CYB5R4: variants seen among roughly 807,000 people sequenced by gnomAD.
CYB5R4 encodes N-terminal cytochrome b5 and cytochrome b5 oxidoreductase domain-containing protein.
A neutral mutation model predicts 70.2 loss-of-function variants in CYB5R4; 55 were observed. The observed-to-expected ratio is 0.78, with a 90% CI of 0.63 to 0.98. The LOEUF (loss-of-function observed/expected upper bound fraction) is 0.98. CYB5R4 is among the 50% of genes least tolerant of loss of function. The pLI, the probability that CYB5R4 is intolerant of heterozygous loss-of-function variation, is 0.00. For synonymous variants in CYB5R4, 197 were observed against 199.5 expected, an observed-to-expected ratio of 0.99 and a Z score of 0.11; for missense variants, 562 against 612.6, an observed-to-expected ratio of 0.92 and a Z score of 0.87.
chr6:83,930,452 AT>A (rs1257003613), intron 10 of CYB5R4, among the ~76,000 whole-genome samples: 1 of 152,188 alleles, frequency 6.6e-6, no homozygotes, highest in Non-Finnish European at 1.5e-5. Flanking sequence ...CCAGGAGTAG[AT>A]TCCATCTCAA....
intron 14 of CYB5R4, among the ~76,000 whole-genome samples, chr6:83,947,804 A>C (rs896456855): frequency 6.6e-6 from 1 of 152,156 alleles, no homozygotes; most frequent in Non-Finnish European, 1.5e-5. Flanking sequence ...GAGAAATGCA[A>C]GTCAAAACCA....
intron 2 of CYB5R4, 48 bp from the exon 3 acceptor site, chr6:83,893,474 T>C (rs1364155040): frequency 9.0e-7 from 1 of 1,115,018 alleles, no homozygotes; most frequent in Non-Finnish European, 1.3e-6. Flanking sequence ...AGTTTTACAA[T>C]TTTTGAGAAG....
intron 3 of CYB5R4, among the ~76,000 whole-genome samples, chr6:83,905,658 G>T (rs948686128): frequency 2.0e-5 from 3 of 152,068 alleles, no homozygotes; most frequent in Admixed American, 2.0e-4. Flanking sequence ...GATGGCATAT[G>T]CTGGCACCAG....
rs755679834 is a variant in CYB5R4, at chr6:83,893,573, A to T, written c.281A>T (p.Asp94Val). ...PYMEYHPGGE[D>V]ELMRAAGSDG... ...ATGGAGTATCATCCTGGTGGAGAAG[A>T]TGAACTAATGAGAGCAGCAGGATCA... Residue 94 changes from aspartate (D) to valine (V), a missense_variant, in exon 3 of 16, where the codon GAT becomes GTT. By Grantham distance (152) the Asp-to-Val change is radical. Transcript: ENST00000369681. 6.2e-7 allele frequency: 1 copy of T among 1,613,488 alleles called. No individual in the cohort carries two copies. Among genetic ancestry groups the T allele is most frequent in the Non-Finnish European group, 8.5e-7 (1 of 1,179,516 alleles).
chr6:83,886,429 A>G (rs900323983), intron 2 of CYB5R4, among the ~76,000 whole-genome samples: 8 of 152,246 alleles, frequency 5.3e-5, no homozygotes, highest in African/African-American at 1.9e-4. Context: ...GTATATCCAT[A>G]GAAGAAATAT....
At chr6:83,954,666 A>C (rs892689135) in intron 14 of CYB5R4, among the ~76,000 whole-genome samples, 4 of 152,074 alleles carry the variant, frequency 2.6e-5, no homozygotes, top group South Asian at 4.1e-4. Flanking sequence ...TTTCAATACT[A>C]GTAGATTATT....
rs1490766956 is a variant in CYB5R4, at chr6:83,941,471, T to C, written c.1346+870T>C. 3.3e-5 allele frequency among the ~76,000 whole-genome samples: 5 copies of C among 152,318 alleles called. No homozygotes were observed. In the East Asian group the frequency reaches 9.6e-4, roughly 29 times the overall value. ...AAAAGATCTGAAGTAAATATGTATG[T>C]ATATGAAAGGATGGTATACATAAAA... is the stretch of plus-strand genomic sequence containing the variant. On this transcript the variant is annotated intron_variant, in intron 14 of 15. Transcript: ENST00000369681.
At chr6:83,942,641 G>A (rs1291722765) in intron 14 of CYB5R4, among the ~76,000 whole-genome samples, 3 of 152,162 alleles carry the variant, frequency 2.0e-5, no homozygotes, top group African/African-American at 4.8e-5. Flanking sequence ...AAAGGGGGCT[G>A]AAGCCAGGGA....
chr6:83,891,420 A>G (rs2099461101), intron 2 of CYB5R4, among the ~76,000 whole-genome samples: 1 of 152,190 alleles, frequency 6.6e-6, no homozygotes, highest in Admixed American at 6.5e-5. Flanking sequence ...TCTCTGCCAC[A>G]TCCAGGGGTC....
intron 10 of CYB5R4, 148 bp downstream of exon 10, chr6:83,924,740 T>C: frequency 1.3e-6 from 1 of 779,126 alleles, no homozygotes; most frequent in South Asian, 2.0e-5. Context: ...ACAATGTGTG[T>C]TGTCCTGCTT....
intron 3 of CYB5R4, among the ~76,000 whole-genome samples, chr6:83,899,257 T>C (rs2099462450): frequency 6.6e-6 from 1 of 152,214 alleles, no homozygotes; most frequent in South Asian, 2.1e-4. Context: ...GTTTATATGC[T>C]GGATTACGTT....
At chr6:83,936,105 G>T (rs957274891) in intron 11 of CYB5R4, 119 bp from the exon 12 acceptor site, 109 of 630,668 alleles carry the variant, frequency 1.7e-4, no homozygotes, top group Admixed American at 5.5e-4. Flanking sequence ...AGAATTATAT[G>T]CCCATTAGGT....
chr6:83,888,863 A>T (rs1268782940), intron 2 of CYB5R4, among the ~76,000 whole-genome samples: 2 of 152,238 alleles, frequency 1.3e-5, no homozygotes, highest in African/African-American at 4.8e-5. Context: ...AGGAAAAGTT[A>T]TTGAAGGAAA....
intron 11 of CYB5R4, 27 bp from the exon 12 acceptor site, chr6:83,936,197 T>C (rs2099468902): frequency 1.3e-6 from 2 of 1,502,312 alleles, no homozygotes; most frequent in Admixed American, 2.4e-5. Flanking sequence ...TAGAATTTAA[T>C]TATTTTGCTG....
chr6:83,957,622 C>CAAAAAAAA (rs34196225), intron 15 of CYB5R4, among the ~76,000 whole-genome samples: 1 of 66,946 alleles, frequency 1.5e-5, no homozygotes. Context: ...AACTCTGTCT[C>CAAAAAAAA]AAAAAAAAAA....
intron 2 of CYB5R4, among the ~76,000 whole-genome samples, chr6:83,886,194 C>G (rs900751317): frequency 6.6e-5 from 10 of 152,106 alleles, no homozygotes; most frequent in Non-Finnish European, 1.2e-4. Context: ...AAGCTCAGTT[C>G]TCTCTTCCTC....
intron 3 of CYB5R4, among the ~76,000 whole-genome samples, chr6:83,907,752 G>A (rs1386595418): frequency 6.6e-6 from 1 of 152,086 alleles, no homozygotes; most frequent in African/African-American, 2.4e-5. Flanking sequence ...TTCTGTGTTA[G>A]TTTACTAAGG....
At chr6:83,904,426 GTTGAGAC>G (rs1446653558) in intron 3 of CYB5R4, among the ~76,000 whole-genome samples, 14 of 152,126 alleles carry the variant, frequency 9.2e-5, no homozygotes, top group Non-Finnish European at 1.5e-4. Context: ...TTAAAAATAT[GTTGAGAC>G]TTGTTTTGTA....
chr6:83,911,898 T>G (rs937079244), intron 4 of CYB5R4, among the ~76,000 whole-genome samples: 1 of 151,512 alleles, frequency 6.6e-6, no homozygotes, highest in East Asian at 1.9e-4. Flanking sequence ...AAAAAAAAAT[T>G]ACAAAAATAT....
Sources: allele counts gnomAD v4.1 joint callset (sites outside exome capture counted in the v4.1 genomes callset), GRCh38; gene constraint gnomAD v4.1.1; transcripts MANE v1.5; gene names NCBI Gene and HGNC (gene_info 2026-07-23, HGNC 2026-07-21).